The following FREM2 variants were observed in gnomAD, a reference collection of about 807,000 sequenced individuals.
FREM2 encodes FRAS1 related extracellular matrix 2.
In FREM2, 119 loss-of-function variants were observed where a neutral mutation model predicts 219.9. The observed-to-expected ratio is 0.54, with a 90% CI of 0.47 to 0.63. The LOEUF (loss-of-function observed/expected upper bound fraction) is 0.63. Ranked by LOEUF, FREM2 falls within the 30% of genes least tolerant of loss-of-function variation. FREM2 has a pLI of 0.00. For missense variants in FREM2, 4,030 were observed against 3,993.6 expected, an observed-to-expected ratio of 1.01 and a Z score of -0.25; for synonymous variants, 1,562 against 1,522.8, an observed-to-expected ratio of 1.03 and a Z score of -0.60.
At position 38,856,201 on chromosome 13, in the gene FREM2, G is replaced by A. The variant is rs1279784140; in HGVS notation, c.7001G>A (p.Arg2334Lys). The change falls in exon 12 of 24, where the codon AGA becomes AAA. Residue 2334 changes from arginine to lysine, a missense_variant. Coordinates refer to ENST00000280481, the MANE Select transcript of FREM2 (RefSeq NM_207361.6). The part of the protein sequence containing the change: ...EVTFDGVREM[R>K]EAFTVHLKPD... Reference sequence around the variant, plus strand: ...ACCTTTGACGGGGTGAGAGAGATGAGAGAGGCCTTCACTGTTCACCTAAAA... The same window carrying A: ...ACCTTTGACGGGGTGAGAGAGATGAAAGAGGCCTTCACTGTTCACCTAAAA... 2.5e-6 allele frequency: 4 copies of A among 1,612,940 alleles called. No homozygotes were observed. Among genetic ancestry groups the A allele is most frequent in the Non-Finnish European group, 3.4e-6 (4 of 1,179,018 alleles).
At chr13:38,797,388 A>G (rs1364515009) in intron 6 of FREM2, among the ~76,000 whole-genome samples, 1 of 151,982 alleles carries the variant, frequency 6.6e-6, no homozygotes, top group Non-Finnish European at 1.5e-5. Context: ...TCTGTTGGCT[A>G]TGTATATCTT....
chr13:38,687,479 G>T lies in FREM2; in HGVS notation c.135G>T (p.Pro45=), dbSNP rs886050186. ...TCCTGTCACTGGTAAGCCGCGTCCC[G>T]GCACAGCCCGCTGCCTTCGGCAGGG... is the stretch of plus-strand genomic sequence containing the variant. ...LLLLSLVSRV[P]AQPAAFGRAL... is the part of the protein sequence containing the mutation. The change falls in exon 1 of 24, where the codon CCG becomes CCT. Residue 45 remains proline, a synonymous_variant. Transcript: ENST00000280481. The T allele has an allele frequency of 6.3e-7, 1 of 1,591,492 alleles. No homozygotes were observed. Among genetic ancestry groups the T allele is most frequent in the Non-Finnish European group, 8.5e-7 (1 of 1,169,724 alleles).
chr13:38,851,125 T>A lies in FREM2; in HGVS notation c.6742+17T>A. 6.2e-7 allele frequency: 1 copy of A among 1,611,760 alleles called. No homozygotes were observed. The highest frequency in any genetic ancestry group is 8.5e-7 in the Non-Finnish European group (1 of 1,179,550). On this transcript the variant is annotated intron_variant, in intron 10 of 23. Coordinates refer to ENST00000280481, the MANE Select transcript of FREM2 (RefSeq NM_207361.6). ...ATGCTGATAGTAAGAAATCTTTTTT[T>A]GTTTGTTCAACTGTAAATTAGAAAC...
At chr13:38,763,346 T>A (rs895215643) in intron 2 of FREM2, among the ~76,000 whole-genome samples, 1 of 151,112 alleles carries the variant, frequency 6.6e-6, no homozygotes, top group African/African-American at 2.4e-5. Context: ...GTGTAGATTT[T>A]TTTTTTGTCG....
At chr13:38,711,525 A>G (rs111911164) in intron 2 of FREM2, among the ~76,000 whole-genome samples, 1,984 of 152,312 alleles carry the variant, frequency 0.013, 51 homozygotes, top group African/African-American at 0.046. Flanking sequence ...CACATAGTGA[A>G]TGTAGTGAAA....
At chr13:38,795,035 G>A (rs1430788156) in intron 6 of FREM2, among the ~76,000 whole-genome samples, 1 of 151,926 alleles carries the variant, frequency 6.6e-6, no homozygotes, top group East Asian at 1.9e-4. Context: ...CCTAAATTTA[G>A]GTCTGCTTAC....
At chr13:38,757,810 A>G (rs1355586767) in intron 2 of FREM2, among the ~76,000 whole-genome samples, 1 of 151,284 alleles carries the variant, frequency 6.6e-6, no homozygotes, top group Admixed American at 6.6e-5. Flanking sequence ...AGGCTGTCAA[A>G]CTCCCGACCT....
chr13:38,796,536 C>T (rs149914611), intron 6 of FREM2, among the ~76,000 whole-genome samples: 3,652 of 152,194 alleles, frequency 0.024, 59 homozygotes, highest in Middle Eastern at 0.061. Flanking sequence ...TCCCTAACCC[C>T]CCAGCCCCAT....
chr13:38,755,114 G>T (rs1424679726), intron 2 of FREM2, among the ~76,000 whole-genome samples: 3 of 151,966 alleles, frequency 2.0e-5, no homozygotes, highest in African/African-American at 7.2e-5. Context: ...TGTTGGTCAG[G>T]CTGGTCTTGA....
intron 6 of FREM2, among the ~76,000 whole-genome samples, chr13:38,795,901 A>G (rs1874753179): frequency 6.6e-6 from 1 of 152,140 alleles, no homozygotes; most frequent in South Asian, 2.1e-4. Context: ...AGTTCCATCC[A>G]TGATGTTGAA....
At chr13:38,852,459 T>G (rs1173697036) in intron 11 of FREM2, among the ~76,000 whole-genome samples, 1 of 152,206 alleles carries the variant, frequency 6.6e-6, no homozygotes, top group African/African-American at 2.4e-5. Flanking sequence ...AGTTACCAGA[T>G]TAAATAATAA....
Position 38,760,741 on chromosome 13 carries a change from T to C in FREM2, c.5264-3563T>C, listed in dbSNP as rs559363522. Among the ~76,000 whole-genome samples, 3 of 152,276 alleles carry C rather than the reference T, an allele frequency of 2.0e-5. No individual in the cohort carries two copies. In the East Asian group the frequency reaches 5.8e-4, roughly 29 times the overall value. ...TCAGCCAAGACATTAGAGTTTCTAA[T>C]TGATGCAATAGATGTTTTTCTAACA... On this transcript the variant is annotated intron_variant, in intron 2 of 23. Coordinates refer to ENST00000280481, the MANE Select transcript of FREM2 (RefSeq NM_207361.6).
At chr13:38,772,046 C>T (rs543776569) in intron 4 of FREM2, among the ~76,000 whole-genome samples, 18 of 151,932 alleles carry the variant, frequency 1.2e-4, no homozygotes, top group Admixed American at 8.5e-4. Context: ...ACTTTGTTTC[C>T]TTTTGTACTC....
At chr13:38,835,423 C>T (rs1227444062) in intron 6 of FREM2, among the ~76,000 whole-genome samples, 1 of 152,092 alleles carries the variant, frequency 6.6e-6, no homozygotes, top group Non-Finnish European at 1.5e-5. Context: ...ATTGTCTTGG[C>T]TATACGGGCT....
chr13:38,809,534 A>C (rs569169535), intron 6 of FREM2, among the ~76,000 whole-genome samples: 1 of 152,034 alleles, frequency 6.6e-6, no homozygotes, highest in Non-Finnish European at 1.5e-5. Context: ...AAGTTTCATT[A>C]TTCTGCATAT....
At chr13:38,850,922 C>A in intron 9 of FREM2, 22 bp from the exon 10 acceptor site, 1 of 1,608,746 alleles carries the variant, frequency 6.2e-7, no homozygotes. Context: ...ATGTGATTGA[C>A]CTGCTGACAT....
chr13:38,713,476 A>G (rs1870863688), intron 2 of FREM2, among the ~76,000 whole-genome samples: 1 of 152,200 alleles, frequency 6.6e-6, no homozygotes, highest in South Asian at 2.1e-4. Context: ...TTTGTCACCT[A>G]CTGAAAAACA....
intron 1 of FREM2, 122 bp from the exon 2 acceptor site, chr13:38,697,576 G>A: frequency 1.4e-6 from 1 of 691,920 alleles, no homozygotes; most frequent in Non-Finnish European, 2.6e-6. Context: ...CACTGTTTCT[G>A]TTAGGAGGAA....
At position 38,687,898 on chromosome 13, in the gene FREM2, A is replaced by G. The variant is rs1869559544; in HGVS notation, c.554A>G (p.Asn185Ser). ...ACCCAGCTGGAGGTTGTGACTCGGA[A>G]CTTGCCTCTGGTCGTGGAAGAGCTG... Reference protein sequence around the residue: ...VFTQLEVVTRNLPLVVEELLG... With the variant: ...VFTQLEVVTRSLPLVVEELLG... Residue 185 changes from asparagine (N) to serine (S), a missense_variant, in exon 1 of 24, where the codon AAC becomes AGC. Physicochemically the swap from Asn to Ser is conservative, Grantham distance 46. Coordinates refer to ENST00000280481, the MANE Select transcript of FREM2 (RefSeq NM_207361.6). The G allele has an allele frequency of 6.3e-7, 1 of 1,589,614 alleles. No homozygotes were observed. The highest frequency in any genetic ancestry group is 8.6e-7 in the Non-Finnish European group (1 of 1,166,222).
Sources: allele counts gnomAD v4.1 joint callset (sites outside exome capture counted in the v4.1 genomes callset), GRCh38; gene constraint gnomAD v4.1.1; transcripts MANE v1.5; gene names NCBI Gene and HGNC (gene_info 2026-07-23, HGNC 2026-07-21).